Variants in SYN3 observed in about 807,000 individuals in gnomAD.
SYN3 encodes the protein synapsin III.
SYN3 carries 35 observed loss-of-function variants against 65.8 expected under a neutral mutation model. The observed-to-expected ratio is 0.53, with a 90% confidence interval of 0.41 to 0.70. SYN3 has a LOEUF of 0.70. Ranked by LOEUF, SYN3 falls within the 30% of genes least tolerant of loss-of-function variation. SYN3 has a pLI of 0.00. For synonymous variants in SYN3, 270 were observed against 292.9 expected, an observed-to-expected ratio of 0.92 and a Z score of 0.80; for missense variants, 680 against 749.0, an observed-to-expected ratio of 0.91 and a Z score of 1.08.
intron 6 of SYN3, among the ~76,000 whole-genome samples, chr22:32,651,016 G>A (rs1055331108): frequency 1.3e-5 from 2 of 152,168 alleles, no homozygotes; most frequent in Non-Finnish European, 2.9e-5. Context: ...GGGGTCAGCT[G>A]CAGCCAAGTC....
At chr22:32,884,240 A>G (rs1418507433) in intron 4 of SYN3, among the ~76,000 whole-genome samples, 1 of 152,248 alleles carries the variant, frequency 6.6e-6, no homozygotes, top group Admixed American at 6.5e-5. Context: ...GTTAAGGCCA[A>G]CACTGGCTAA....
rs114505438 is a variant in SYN3, at chr22:32,790,043, C to T, written c.711+74872G>A. 8.4e-3 allele frequency among the ~76,000 whole-genome samples: 1,282 copies of T among 152,282 alleles called. 18 individuals are homozygous for T. Among genetic ancestry groups the T allele is most frequent in the African/African-American group, 0.029 (1,210 of 41,550 alleles). ...GCTATTGTTGTCCCTGTATCACAGA[C>T]GAGAATACGGAGGCACAAGAATGTT... On this transcript the variant is annotated intron_variant, in intron 6 of 13. Transcript: ENST00000358763.
intron 1 of SYN3, among the ~76,000 whole-genome samples, chr22:33,008,247 T>C (rs1262379752): frequency 6.6e-6 from 1 of 152,248 alleles, no homozygotes; most frequent in African/African-American, 2.4e-5. Context: ...AGTATTTTTA[T>C]TGCAGTAAAA....
chr22:32,896,513 T>TA (rs1480811874), intron 4 of SYN3, among the ~76,000 whole-genome samples: 1 of 152,170 alleles, frequency 6.6e-6, no homozygotes, highest in Non-Finnish European at 1.5e-5. Context: ...ACATAAAGGC[T>TA]AAAAACTTAA....
intron 6 of SYN3, among the ~76,000 whole-genome samples, chr22:32,721,355 C>T (rs1381856168): frequency 1.2e-4 from 19 of 152,100 alleles, no homozygotes; most frequent in Admixed American, 7.2e-4. Context: ...GTTATTTGCC[C>T]CCTTTCCCTG....
chr22:32,743,825 A>G, intron 6 of SYN3, among the ~76,000 whole-genome samples: 1 of 151,718 alleles, frequency 6.6e-6, no homozygotes, highest in Admixed American at 6.6e-5. Context: ...CTGGGGTCCA[A>G]GCCTCCTTTT....
At chr22:32,981,671 C>T (rs939482951) in intron 2 of SYN3, among the ~76,000 whole-genome samples, 2 of 152,020 alleles carry the variant, frequency 1.3e-5, no homozygotes, top group African/African-American at 4.8e-5. Context: ...AAGGATCCCA[C>T]ATAAAAAGGT....
chr22:32,996,712 ATTC>A (rs2052890842), intron 2 of SYN3, among the ~76,000 whole-genome samples: 1 of 152,224 alleles, frequency 6.6e-6, no homozygotes, highest in Non-Finnish European at 1.5e-5. Context: ...AGAGGAAAAT[ATTC>A]TCTGCACATC....
intron 6 of SYN3, among the ~76,000 whole-genome samples, chr22:32,603,148 A>T (rs2059309430): frequency 6.6e-6 from 1 of 152,040 alleles, no homozygotes. Context: ...GTCATGTAAG[A>T]AGGGCCAGGA....
At chr22:32,586,817 G>C (rs1363921075) in intron 7 of SYN3, among the ~76,000 whole-genome samples, 2 of 152,160 alleles carry the variant, frequency 1.3e-5, no homozygotes, top group East Asian at 3.8e-4. Context: ...TTGCATTTGT[G>C]GAGAGGACAA....
intron 6 of SYN3, among the ~76,000 whole-genome samples, chr22:32,694,740 T>C (rs5998586): frequency 0.04 from 6,099 of 152,266 alleles, 392 homozygotes; most frequent in African/African-American, 0.13. Flanking sequence ...ACCAATCCTC[T>C]ATGGATACTG....
chr22:32,609,947 A>C (rs890003080), intron 6 of SYN3, among the ~76,000 whole-genome samples: 1 of 152,156 alleles, frequency 6.6e-6, no homozygotes, highest in Non-Finnish European at 1.5e-5. Flanking sequence ...ATACCATAAA[A>C]TTCACCCTTT....
chr22:32,822,937 A>C, intron 6 of SYN3, among the ~76,000 whole-genome samples: 1 of 151,842 alleles, frequency 6.6e-6, no homozygotes, highest in South Asian at 2.1e-4. Flanking sequence ...AACAAAAAAA[A>C]AACAGAGAGA....
chr22:32,874,021 C>T (rs915265077), intron 4 of SYN3, among the ~76,000 whole-genome samples: 1 of 152,090 alleles, frequency 6.6e-6, no homozygotes, highest in South Asian at 2.1e-4. Flanking sequence ...GTAATCCCAG[C>T]TACTTGGAAG....
intron 12 of SYN3, among the ~76,000 whole-genome samples, chr22:32,524,737 G>A (rs1356729981): frequency 6.6e-6 from 1 of 152,216 alleles, no homozygotes; most frequent in African/African-American, 2.4e-5. Context: ...TTGGCCAGGT[G>A]CAGTGGCTCA....
At chr22:32,594,736 C>G (rs6518789) in intron 7 of SYN3, among the ~76,000 whole-genome samples, 4 of 152,058 alleles carry the variant, frequency 2.6e-5, no homozygotes, top group African/African-American at 9.7e-5. Flanking sequence ...GATCCACCCT[C>G]TTTGGCCTCC....
intron 10 of SYN3, among the ~76,000 whole-genome samples, chr22:32,530,705 C>T (rs1278442709): frequency 6.6e-6 from 1 of 151,786 alleles, no homozygotes; most frequent in African/African-American, 2.4e-5. Flanking sequence ...GAAAAGCTAG[C>T]TTAAGAATGT....
At chr22:32,827,880 T>C (rs1416725735) in intron 6 of SYN3, among the ~76,000 whole-genome samples, 1 of 152,192 alleles carries the variant, frequency 6.6e-6, no homozygotes, top group East Asian at 1.9e-4. Flanking sequence ...ATCCCCCAGA[T>C]ACTCACTGGC....
Position 32,508,128 on chromosome 22 carries a change from G to A in SYN3, c.*5564C>T, listed in dbSNP as rs1012847862. Among the ~76,000 whole-genome samples the A allele has an allele frequency of 2.0e-5, 3 of 152,048 alleles. No homozygotes were observed. Among genetic ancestry groups the A allele is most frequent in the African/African-American group, 4.8e-5 (2 of 41,382 alleles). ...CATCCCCTGTGACTTGCGCGTATAC[G>A]CCCAGATGGCCTGAAGTAACTGAAG... On this transcript the variant is annotated 3_prime_UTR_variant, in exon 14 of 14. Coordinates refer to ENST00000358763, the MANE Select transcript of SYN3 (RefSeq NM_003490.4).
Sources: allele counts gnomAD v4.1 joint callset (sites outside exome capture counted in the v4.1 genomes callset), GRCh38; gene constraint gnomAD v4.1.1; transcripts MANE v1.5; gene names NCBI Gene and HGNC (gene_info 2026-07-23, HGNC 2026-07-21).